The following MYH7 variants were observed in gnomAD, a reference collection of about 807,000 sequenced individuals.
MYH7 encodes the protein myosin-7.
MYH7 carries 129 observed loss-of-function variants against 225.4 expected under a neutral mutation model. The observed-to-expected ratio is 0.57, with a 90% CI of 0.50 to 0.66. The LOEUF is 0.66. MYH7 is among the 30% of genes least tolerant of loss of function. The pLI is 0.00. For missense variants in MYH7, 1,649 were observed against 2,517.0 expected, an observed-to-expected ratio of 0.66 and a Z score of 7.38; for synonymous variants, 971 against 1,007.6, an observed-to-expected ratio of 0.96 and a Z score of 0.69.
Position 23,424,064 on chromosome 14 carries a change from A to T in MYH7, c.2765T>A (p.Met922Lys), listed in dbSNP as rs771599539. Residue 922 changes from methionine (M) to lysine (K), a missense_variant, in exon 23 of 40, where the codon ATG (methionine) becomes AAG (lysine). Physicochemically the swap from Met to Lys is moderately conservative, Grantham distance 95. Transcript: ENST00000355349. ...KIQLEAKVKE[M>K]NERLEDEEEM... The stretch of plus-strand genomic sequence containing the variant: ...CTCCTCATCCTCCAGCCTCTCGTTC[A>T]TCTCCTTCACCTTGGCCTCCAGCTG... 1 of 1,614,130 alleles carries T rather than the reference A, an allele frequency of 6.2e-7. No individual in the cohort carries two copies. Among genetic ancestry groups the T allele is most frequent in the Non-Finnish European group, 8.5e-7 (1 of 1,180,016 alleles).
intron 30 of MYH7, 90 bp downstream of exon 30, chr14:23,418,120 T>C: frequency 6.3e-7 from 1 of 1,583,302 alleles, no homozygotes; most frequent in Non-Finnish European, 8.7e-7. Context: ...TAGCTAAGCA[T>C]CGCCTGTGTG....
intron 2 of MYH7, 107 bp downstream of exon 2, chr14:23,434,087 A>T: frequency 1.3e-6 from 1 of 746,818 alleles, no homozygotes; most frequent in South Asian, 2.2e-5. Flanking sequence ...GATAGCCAAG[A>T]TATTCTCTCC....
intron 33 of MYH7, 132 bp downstream of exon 33, chr14:23,416,736 A>T: frequency 7.1e-7 from 1 of 1,412,674 alleles, no homozygotes; most frequent in South Asian, 1.2e-5. Flanking sequence ...CTGAATGCCT[A>T]CTATGTGCCA....
chr14:23,432,348 G>A, intron 6 of MYH7, 131 bp downstream of exon 6: 1 of 1,123,496 alleles, frequency 8.9e-7, no homozygotes. Flanking sequence ...AATGGTCAGA[G>A]AAGAAGGAGA....
At chr14:23,421,849 T>C (rs1002159883) in intron 25 of MYH7, 1 of 872,600 alleles carries the variant, frequency 1.1e-6, no homozygotes, top group Non-Finnish European at 1.4e-6. Context: ...GAGGCTCTCA[T>C]GTGGAGCCTT....
At chr14:23,428,383 G>T in intron 15 of MYH7, 117 bp downstream of exon 15, 4 of 1,531,256 alleles carry the variant, frequency 2.6e-6, no homozygotes, top group Non-Finnish European at 9.0e-7. Flanking sequence ...CAAGGGCTCG[G>T]ATCCTTCAGC....
intron 10 of MYH7, 98 bp downstream of exon 10, chr14:23,430,803 G>A (rs542763392): frequency 8.0e-7 from 1 of 1,257,776 alleles, no homozygotes; most frequent in African/African-American, 1.5e-5. Flanking sequence ...ATCCAGCAGT[G>A]CCATGAAACC....
In MYH7 at chr14:23,417,182, G is replaced by T. The variant is rs1488630967; in HGVS notation, c.4490C>A (p.Thr1497Asn). 1.2e-6 allele frequency: 2 copies of T among 1,614,036 alleles called. No homozygotes were observed. The highest frequency in any genetic ancestry group is 1.7e-6 in the Non-Finnish European group (2 of 1,180,022). Residue 1497 changes from threonine to asparagine, a missense_variant, in exon 32 of 40, where the codon ACC (threonine) becomes AAC (asparagine). Around this residue, in one of 12 missense-constraint regions of MYH7, gnomAD observed 687 missense variants for 913.8 expected, o/e 0.75. Coordinates refer to ENST00000355349, the MANE Select transcript of MYH7 (RefSeq NM_000257.4). ...AYEESLEHLETFKRENKNLQE... is the reference protein window; with the variant it reads ...AYEESLEHLENFKRENKNLQE... The stretch of plus-strand genomic sequence containing the variant: ...CAGGTTTTTGTTCTCCCGCTTGAAG[G>T]TCTCCAGATGTTCCAGGGACTCCTC...
intron 26 of MYH7, among the ~76,000 whole-genome samples, chr14:23,420,664 G>T (rs146008226): frequency 4.6e-4 from 70 of 152,302 alleles, no homozygotes; most frequent in African/African-American, 1.6e-3. Context: ...AACAGGGGAG[G>T]GCATGGAGAC....
In MYH7 at chr14:23,418,308, C is replaced by A. The variant is rs1892313272; in HGVS notation, c.4071G>T (p.Leu1357=). 2.5e-6 allele frequency: 4 copies of A among 1,613,700 alleles called. No homozygotes were observed. The highest frequency in any genetic ancestry group is 3.4e-6 in the Non-Finnish European group (4 of 1,180,042). Residue 1357 remains leucine, a synonymous_variant, in exon 30 of 40, where the codon CTG becomes CTT. Coordinates refer to ENST00000355349, the MANE Select transcript of MYH7 (RefSeq NM_000257.4). The part of the protein sequence containing the change: ...YEEETEAKAE[L]QRVLSKANSE... ...AGTTGGCCTTGGAAAGGACGCGCTG[C>A]AGCTCGGCCTTGGCCTCCGTCTCCT...
intron 11 of MYH7, among the ~76,000 whole-genome samples, chr14:23,430,133 C>T (rs1892867719): frequency 6.6e-6 from 1 of 152,154 alleles, no homozygotes; most frequent in Admixed American, 6.5e-5. Flanking sequence ...TTGGCCGCAG[C>T]CCCAGTGTCA....
At chr14:23,426,602 T>C (rs1892701225) in intron 18 of MYH7, among the ~76,000 whole-genome samples, 175 bp downstream of exon 18, 1 of 152,198 alleles carries the variant, frequency 6.6e-6, no homozygotes, top group Admixed American at 6.5e-5. Context: ...CATTACACAC[T>C]GCAAGTGCAA....
chr14:23,427,547 C>G, intron 16 of MYH7, 38 bp downstream of exon 16: 1 of 1,610,646 alleles, frequency 6.2e-7, no homozygotes, highest in Non-Finnish European at 8.5e-7. Context: ...TGGCAGAATC[C>G]CTGCTCCTCT....
chr14:23,426,957 G>A, intron 17 of MYH7, 93 bp from the exon 18 acceptor site: 1 of 1,148,246 alleles, frequency 8.7e-7, no homozygotes, highest in East Asian at 2.5e-5. Context: ...AAGAGAGATG[G>A]AGAGAATTCG....
rs1361660198 is a variant in MYH7, at chr14:23,417,799, G to A, written c.4170-113C>T. 12 of 1,426,008 alleles carry A rather than the reference G, an allele frequency of 8.4e-6. No homozygotes were observed. The East Asian group carries it at 1.9e-4, about 23-fold the overall frequency. 88.3% of individuals were successfully genotyped at this position (1,426,008 alleles called of 1,614,324 possible). A position where few individuals can be genotyped will look rare whatever the true frequency, so the allele number is the denominator to read the frequency against. The stretch of plus-strand genomic sequence containing the variant: ...TCCTTGAAACCTCAGAAGTGTAGCT[G>A]GAGAAGCCTGAGGACAGGTCCCAGG... On this transcript the variant is annotated intron_variant, in intron 30 of 39. Coordinates refer to ENST00000355349, the MANE Select transcript of MYH7 (RefSeq NM_000257.4).
rs1351150597 is a variant in MYH7, at chr14:23,423,976, T to C, written c.2853A>G (p.Lys951=). Residue 951 remains lysine (K), a synonymous_variant, in exon 23 of 40, where the codon AAA becomes AAG. Transcript: ENST00000355349. ...RKLEDECSEL[K]RDIDDLELTL... ...TCAGCTCCAGATCATCGATGTCCCT[T>C]TTGAGCTCTGAGCACTCATCTTCCA... 1 of 1,614,244 alleles carries C rather than the reference T, an allele frequency of 6.2e-7. No individual in the cohort carries two copies. Among genetic ancestry groups the C allele is most frequent in the Non-Finnish European group, 8.5e-7 (1 of 1,180,050 alleles).
Position 23,417,729 on chromosome 14 carries a change from G to A in MYH7, c.4170-43C>T, listed in dbSNP as rs574264410. On this transcript the variant is annotated intron_variant, in intron 30 of 39. Coordinates refer to ENST00000355349, the MANE Select transcript of MYH7 (RefSeq NM_000257.4). Reference sequence around the variant, plus strand: ...GCAGAGGGTGGGGAGGATGGAGGGTGTGGATGGGGACAAGAGGAAACAACA... The same window carrying A: ...GCAGAGGGTGGGGAGGATGGAGGGTATGGATGGGGACAAGAGGAAACAACA... 18 of 1,606,726 alleles carry A rather than the reference G, an allele frequency of 1.1e-5. No individual in the cohort carries two copies. The South Asian group carries it at 1.3e-4, about 12-fold the overall frequency.
At chr14:23,431,142 C>A in intron 9 of MYH7, 143 bp from the exon 10 acceptor site, 1 of 729,742 alleles carries the variant, frequency 1.4e-6, no homozygotes, top group South Asian at 1.5e-5. Context: ...AGAGATCACA[C>A]AGAGAGATGG....
rs3729809 is a variant in MYH7, at chr14:23,431,491, T to C, written c.733-10A>G. The stretch of plus-strand genomic sequence containing the variant: ...TTCGAATGAATTTCCCCTGGAGAGA[T>C]GGAAGAGAGTGGTGATGAGTTGGGG... On this transcript the variant is annotated splice_polypyrimidine_tract_variant and intron_variant, in intron 8 of 39. Transcript: ENST00000355349. 5 of 1,614,136 alleles carry C rather than the reference T, an allele frequency of 3.1e-6. No homozygotes were observed. The highest frequency in any genetic ancestry group is 4.2e-6 in the Non-Finnish European group (5 of 1,179,968).
Sources: gnomAD v4.1 joint callset for allele counts (sites outside exome capture counted in the v4.1 genomes callset) on GRCh38, gnomAD v4.1.1 for gene constraint, gnomAD v4.1.1 regional missense constraint, MANE v1.5 for transcripts, NCBI Gene and HGNC (gene_info 2026-07-23, HGNC 2026-07-21) for gene names.